Variants in MAML3 observed in about 807,000 individuals in gnomAD.
MAML3 encodes mastermind like transcriptional coactivator 3.
A neutral mutation model predicts 101.9 loss-of-function variants in MAML3; 27 were observed. That is an observed-to-expected ratio of 0.27 (90% CI 0.20 to 0.37). MAML3 has a LOEUF of 0.37. MAML3 is among the 10% of genes least tolerant of loss of function. The pLI, the probability that MAML3 is intolerant of heterozygous loss-of-function variation, is 1.00. For missense variants in MAML3, 1,316 were observed against 1,444.9 expected, an observed-to-expected ratio of 0.91 and a Z score of 1.45; for synonymous variants, 501 against 555.9, an observed-to-expected ratio of 0.90 and a Z score of 1.39.
intron 1 of MAML3, among the ~76,000 whole-genome samples, chr4:139,984,234 G>A (rs567675769): frequency 1.8e-4 from 28 of 152,224 alleles, no homozygotes; most frequent in Admixed American, 1.6e-3. Flanking sequence ...TTCGCATGGG[G>A]TGGAGGAGAA....
rs1306156293 is a variant in MAML3, at chr4:139,719,014, G to A, written c.*309C>T. ...TGAAGCAGCTCCTGCTGGGCCAGGC[G>A]ATCACAGGGCATGCTGGGCAGAGGG... On this transcript the variant is annotated 3_prime_UTR_variant, in exon 5 of 5. Coordinates refer to ENST00000509479, the MANE Select transcript of MAML3 (RefSeq NM_018717.5). 4 of 304,592 alleles carry A rather than the reference G, an allele frequency of 1.3e-5. No individual in the cohort carries two copies. The highest frequency in any genetic ancestry group is 1.3e-4 in the South Asian group (2 of 15,476). 18.9% of individuals were successfully genotyped at this position (304,592 alleles called of 1,614,324 possible).
chr4:140,016,870 A>C (rs927778411), intron 1 of MAML3, among the ~76,000 whole-genome samples: 1 of 152,206 alleles, frequency 6.6e-6, no homozygotes, highest in Non-Finnish European at 1.5e-5. Context: ...TAGGAAAAAA[A>C]GTAAGAGAAA....
In MAML3 at chr4:140,026,063, G is replaced by A. The variant is rs1404294425; in HGVS notation, c.468+126797C>T. Reference sequence around the variant, plus strand: ...GTTATTCCAGGTGTGCTTAACATACGTCAATCTTCAAGACAACTAATATCC... The same window carrying A: ...GTTATTCCAGGTGTGCTTAACATACATCAATCTTCAAGACAACTAATATCC... On this transcript the variant is annotated intron_variant, in intron 1 of 4. Coordinates refer to ENST00000509479, the MANE Select transcript of MAML3 (RefSeq NM_018717.5). Among the ~76,000 whole-genome samples the A allele has an allele frequency of 3.9e-5, 6 of 152,154 alleles. No individual in the cohort carries two copies. In the East Asian group the frequency reaches 7.7e-4, roughly 20 times the overall value.
intron 1 of MAML3, among the ~76,000 whole-genome samples, chr4:140,028,405 T>C (rs975721941): frequency 1.3e-5 from 2 of 152,174 alleles, no homozygotes; most frequent in Non-Finnish European, 2.9e-5. Context: ...CAGTCTTTAC[T>C]CCAGTGTCTG....
intron 1 of MAML3, among the ~76,000 whole-genome samples, chr4:139,969,763 A>C (rs949926139): frequency 1.3e-5 from 2 of 152,182 alleles, no homozygotes; most frequent in Non-Finnish European, 2.9e-5. Flanking sequence ...ACCTAAACAC[A>C]TGCCTCCCCT....
chr4:140,121,466 C>T (rs1209716394), intron 1 of MAML3, among the ~76,000 whole-genome samples: 1 of 152,138 alleles, frequency 6.6e-6, no homozygotes, highest in Non-Finnish European at 1.5e-5. Context: ...GCAATCATGA[C>T]TAAAGCACCA....
chr4:139,999,227 A>AC (rs1248379955), intron 1 of MAML3, among the ~76,000 whole-genome samples: 5 of 152,126 alleles, frequency 3.3e-5, no homozygotes, highest in African/African-American at 1.2e-4. Flanking sequence ...GCCATACCCA[A>AC]CCCACAGCCA....
chr4:139,754,153 G>C (rs1483408046), intron 2 of MAML3, among the ~76,000 whole-genome samples: 2 of 152,220 alleles, frequency 1.3e-5, no homozygotes, highest in Non-Finnish European at 2.9e-5. Flanking sequence ...ACTTGAACAA[G>C]TGCATAATGC....
At chr4:139,800,010 C>G (rs1398501695) in intron 2 of MAML3, among the ~76,000 whole-genome samples, 1 of 152,058 alleles carries the variant, frequency 6.6e-6, no homozygotes, top group East Asian at 1.9e-4. Flanking sequence ...TTGCATGAAA[C>G]AAAACTGTAC....
At chr4:139,761,163 T>C (rs185845285) in intron 2 of MAML3, among the ~76,000 whole-genome samples, 21 of 152,346 alleles carry the variant, frequency 1.4e-4, no homozygotes, top group African/African-American at 4.8e-4. Flanking sequence ...TTTCACCATG[T>C]TGGCCAGGAT....
intron 1 of MAML3, among the ~76,000 whole-genome samples, chr4:140,018,875 C>T (rs1018677789): frequency 2.0e-5 from 3 of 151,800 alleles, no homozygotes; most frequent in Non-Finnish European, 4.4e-5. Context: ...ATAATTAACA[C>T]AGAGCAGTCA....
intron 1 of MAML3, among the ~76,000 whole-genome samples, chr4:139,979,236 G>T (rs917718208): frequency 5.3e-5 from 8 of 152,126 alleles, no homozygotes; most frequent in African/African-American, 9.7e-5. Context: ...TAAACATTTT[G>T]GTCTAAGTTG....
chr4:139,821,483 G>A (rs916263270), intron 2 of MAML3, among the ~76,000 whole-genome samples: 2 of 152,122 alleles, frequency 1.3e-5, no homozygotes, highest in African/African-American at 2.4e-5. Context: ...CCATCCCCCC[G>A]GCCGACCCCT....
At chr4:140,021,621 T>G (rs1448534553) in intron 1 of MAML3, among the ~76,000 whole-genome samples, 1 of 152,124 alleles carries the variant, frequency 6.6e-6, no homozygotes, top group Non-Finnish European at 1.5e-5. Context: ...GACCCAAGAA[T>G]TTCTCTTCCC....
chr4:139,902,508 C>T (rs745395595), intron 1 of MAML3, among the ~76,000 whole-genome samples: 1 of 152,174 alleles, frequency 6.6e-6, no homozygotes, highest in Non-Finnish European at 1.5e-5. Flanking sequence ...GAATTTTTCT[C>T]TCCGGGATGA....
intron 2 of MAML3, among the ~76,000 whole-genome samples, chr4:139,828,667 GAAGGTTGA>G (rs1731105018): frequency 6.7e-6 from 1 of 149,590 alleles, no homozygotes; most frequent in South Asian, 2.1e-4. Context: ...TCATGGAGAC[GAAGGTTGA>G]AAATGGGCAA....
intron 1 of MAML3, among the ~76,000 whole-genome samples, chr4:140,071,780 A>G (rs1727659328): frequency 6.6e-6 from 1 of 151,850 alleles, no homozygotes; most frequent in Non-Finnish European, 1.5e-5. Context: ...AGAGAGAGAG[A>G]GAGAGAGAAG....
chr4:139,836,775 G>A (rs1731261040), intron 2 of MAML3, among the ~76,000 whole-genome samples: 1 of 152,136 alleles, frequency 6.6e-6, no homozygotes, highest in Non-Finnish European at 1.5e-5. Flanking sequence ...ACTGCTATTT[G>A]GCTATTTCTC....
intron 1 of MAML3, among the ~76,000 whole-genome samples, chr4:140,105,016 A>G (rs1176392390): frequency 6.6e-6 from 1 of 152,110 alleles, no homozygotes; most frequent in African/African-American, 2.4e-5. Context: ...CAGAGTGTTT[A>G]TGTAAGCAGT....
Sources: gnomAD v4.1 joint callset for allele counts (sites outside exome capture counted in the v4.1 genomes callset) on GRCh38, gnomAD v4.1.1 for gene constraint, MANE v1.5 for transcripts, NCBI Gene and HGNC (gene_info 2026-07-23, HGNC 2026-07-21) for gene names.